The following PTPN21 variants were observed in gnomAD, a reference collection of about 807,000 sequenced individuals.
PTPN21 encodes the protein tyrosine-protein phosphatase non-receptor type 21.
A neutral mutation model predicts 131.8 loss-of-function variants in PTPN21; 77 were observed. The ratio of observed to expected loss-of-function variants is 0.58; its 90% CI spans 0.49 to 0.71. PTPN21 has a LOEUF of 0.71. Ranked by LOEUF, PTPN21 falls within the 30% of genes least tolerant of loss-of-function variation. The pLI, the probability that PTPN21 is intolerant of heterozygous loss-of-function variation, is 0.00. For synonymous variants in PTPN21, 715 were observed against 621.3 expected (o/e 1.15, Z -2.24); for missense variants, 1,552 against 1,527.1 (o/e 1.02, Z -0.27).
intron 3 of PTPN21, among the ~76,000 whole-genome samples, chr14:88,511,284 CATT>C (rs2078177325): frequency 6.6e-6 from 1 of 152,044 alleles, no homozygotes; most frequent in Non-Finnish European, 1.5e-5. Context: ...ACTTCAATGA[CATT>C]ATCACTTTCT....
At chr14:88,544,531 T>A (rs527463022) in intron 2 of PTPN21, among the ~76,000 whole-genome samples, 1 of 152,164 alleles carries the variant, frequency 6.6e-6, no homozygotes, top group Admixed American at 6.5e-5. Flanking sequence ...CACCGAATCC[T>A]CATAACCACT....
chr14:88,479,552 C>T lies in PTPN21; in HGVS notation c.1879G>A (p.Ala627Thr), dbSNP rs1278999292. 1.9e-6 allele frequency: 3 copies of T among 1,599,060 alleles called. No individual in the cohort carries two copies. The Admixed American group carries it at 5.0e-5, about 27-fold the overall frequency. The part of the protein sequence containing the change: ...LQEVSEPLTA[A>T]RHAQLHKRNS... ...CGTTTGTGCAGCTGCGCGTGGCGCG[C>T]GGCGGTGAGGGGCTCGCTGACCTCC... is the stretch of plus-strand genomic sequence containing the variant. Residue 627 changes from alanine (A) to threonine (T), a missense_variant, in exon 13 of 19, where the codon GCG (alanine) becomes ACG (threonine). Ala to Thr is a moderately conservative substitution (Grantham distance 58). Coordinates refer to ENST00000556564, the MANE Select transcript of PTPN21 (RefSeq NM_007039.4).
chr14:88,530,496 A>G (rs1338231651), intron 2 of PTPN21, among the ~76,000 whole-genome samples: 1 of 151,774 alleles, frequency 6.6e-6, no homozygotes, highest in Non-Finnish European at 1.5e-5. Context: ...AGAATGGCAG[A>G]ATGGATAAAA....
At chr14:88,533,348 T>G (rs2078580190) in intron 2 of PTPN21, among the ~76,000 whole-genome samples, 1 of 152,196 alleles carries the variant, frequency 6.6e-6, no homozygotes, top group South Asian at 2.1e-4. Flanking sequence ...CCCCTAAGAC[T>G]GTAACAGCTG....
rs373664749 is a variant in PTPN21 at position 88,542,604 on chromosome 14, GT to G, written c.180+7633del. Among the ~76,000 whole-genome samples, 339 of 152,216 alleles carry G rather than the reference GT, an allele frequency of 2.2e-3. 16 individuals carry two copies. In the South Asian group the frequency reaches 0.064, roughly 29 times the overall value. ...AATACTCTATTCTTCAAATAAACAG[GT>G]TTCCAAATTCTGCAATAACTTGTGA... On this transcript the variant is annotated intron_variant, in intron 2 of 18. Coordinates refer to ENST00000556564, the MANE Select transcript of PTPN21 (RefSeq NM_007039.4).
At chr14:88,503,053 C>CT (rs576430469) in intron 6 of PTPN21, among the ~76,000 whole-genome samples, 7,888 of 141,032 alleles carry the variant, frequency 0.056, 593 homozygotes, top group African/African-American at 0.17. Flanking sequence ...AAATCTTTTT[C>CT]TTTTTTTTTT....
intron 2 of PTPN21, among the ~76,000 whole-genome samples, chr14:88,518,363 C>CGTGTGTGT (rs763310026): frequency 2.1e-5 from 1 of 46,830 alleles, no homozygotes; most frequent in Non-Finnish European, 4.3e-5. Context: ...TATACATACA[C>CGTGTGTGT]GTGTGTGTGT....
intron 2 of PTPN21, among the ~76,000 whole-genome samples, chr14:88,537,368 A>G (rs552141757): frequency 6.6e-6 from 1 of 152,298 alleles, no homozygotes; most frequent in African/African-American, 2.4e-5. Flanking sequence ...TCTATTTACT[A>G]TCCTGGACAA....
intron 4 of PTPN21, 95 bp downstream of exon 4, chr14:88,507,828 T>G: frequency 1.5e-6 from 1 of 658,114 alleles, no homozygotes; most frequent in Non-Finnish European, 2.5e-6. Context: ...CTACTAAAGA[T>G]GTATATAGAT....
Position 88,467,174 on chromosome 14 carries a change from C to T in PTPN21, c.*963G>A, listed in dbSNP as rs1018002491. The T allele has an allele frequency of 5.9e-5, 9 of 151,472 alleles. No homozygotes were observed. The highest frequency in any genetic ancestry group is 2.0e-4 in the African/African-American group (8 of 40,904). The allele number at this position is 151,472 out of a possible 1,614,324, so 9.4% of individuals were successfully genotyped here. ...ACCTACTCTTGTCCTAGTCATCTTA[C>T]ATACTCTTAGTCCTTAATCTCTCCC... is the stretch of plus-strand genomic sequence containing the variant. On this transcript the variant is annotated 3_prime_UTR_variant, in exon 19 of 19. Coordinates refer to ENST00000556564, the MANE Select transcript of PTPN21 (RefSeq NM_007039.4).
chr14:88,477,841 A>G (rs2077571389), intron 13 of PTPN21, among the ~76,000 whole-genome samples: 1 of 152,184 alleles, frequency 6.6e-6, no homozygotes, highest in South Asian at 2.1e-4. Context: ...ACACTTCATG[A>G]CAAGGCCGCA....
intron 12 of PTPN21, among the ~76,000 whole-genome samples, chr14:88,484,636 A>G (rs1335394581): frequency 1.3e-5 from 2 of 152,204 alleles, no homozygotes; most frequent in Non-Finnish European, 2.9e-5. Context: ...GCATGTTTTT[A>G]CATACATTCA....
At position 88,480,102 on chromosome 14, in the gene PTPN21, C is replaced by A. The variant is rs1244757762; in HGVS notation, c.1329G>T (p.Pro443=). The A allele has an allele frequency of 1.2e-6, 2 of 1,613,940 alleles. No homozygotes were observed. Among genetic ancestry groups the A allele is most frequent in the Non-Finnish European group, 8.5e-7 (1 of 1,180,024 alleles). Residue 443 remains proline, a synonymous_variant, in exon 13 of 19, where the codon CCG becomes CCT. Coordinates refer to ENST00000556564, the MANE Select transcript of PTPN21 (RefSeq NM_007039.4). ...CATAGTCTGGGGTGGGGCGGTAGGA[C>A]GGGGGTATCACGGCGCTGTGCCGAT... ...PSHRHSAVIP[P]SYRPTPDYET...
intron 2 of PTPN21, among the ~76,000 whole-genome samples, chr14:88,530,350 T>C (rs572198505): frequency 6.6e-6 from 1 of 152,208 alleles, no homozygotes; most frequent in African/African-American, 2.4e-5. Context: ...TCACAGGGCC[T>C]ATAAAACAGT....
chr14:88,513,905 A>C (rs1259598005), intron 3 of PTPN21: 1 of 152,180 alleles, frequency 6.6e-6, no homozygotes, highest in Non-Finnish European at 1.5e-5. Context: ...TTAATTTTAT[A>C]ACAGTTTTAG....
intron 7 of PTPN21, 81 bp downstream of exon 7, chr14:88,501,200 G>A (rs553493324): frequency 2.4e-6 from 3 of 1,275,502 alleles, no homozygotes; most frequent in Non-Finnish European, 3.4e-6. Context: ...TTGCACATAA[G>A]GACATCCTTG....
At chr14:88,521,690 C>T (rs941303050) in intron 2 of PTPN21, among the ~76,000 whole-genome samples, 3 of 151,528 alleles carry the variant, frequency 2.0e-5, no homozygotes, top group Non-Finnish European at 4.4e-5. Flanking sequence ...AGATTACAGG[C>T]GTGAGCCACC....
In PTPN21 at chr14:88,479,042, A is replaced by T. The variant is rs756414839; in HGVS notation, c.2389T>A (p.Ser797Thr). The T allele has an allele frequency of 6.2e-7, 1 of 1,607,332 alleles. No homozygotes were observed. The highest frequency in any genetic ancestry group is 8.5e-7 in the Non-Finnish European group (1 of 1,177,610). The change falls in exon 13 of 19, where the codon TCG (serine) becomes ACG (threonine). Residue 797 changes from serine (S) to threonine (T), a missense_variant. Ser to Thr is a moderately conservative substitution (Grantham distance 58, BLOSUM62 1). Around this residue, in one of 4 missense-constraint regions of PTPN21, gnomAD observed 1,016 missense variants for 883.5 expected, o/e 1.15. Coordinates refer to ENST00000556564, the MANE Select transcript of PTPN21 (RefSeq NM_007039.4). The stretch of plus-strand genomic sequence containing the variant: ...CCTGACGTGGTGAGGTCGGACTCCG[A>T]CATGGAGGGCATCAGCAGCCCGTCT... Reference protein sequence around the residue: ...WRDGLLMPSMSESDLTTSGRY... With the variant: ...WRDGLLMPSMTESDLTTSGRY...
intron 3 of PTPN21, among the ~76,000 whole-genome samples, chr14:88,511,627 C>T (rs141336884): frequency 0.013 from 2,046 of 152,210 alleles, 39 homozygotes; most frequent in African/African-American, 0.046. Context: ...CAAGATAGCG[C>T]CACTGCACTC....
Sources: gnomAD v4.1 joint callset for allele counts (sites outside exome capture counted in the v4.1 genomes callset) on GRCh38, gnomAD v4.1.1 for gene constraint, gnomAD v4.1.1 regional missense constraint, MANE v1.5 for transcripts, NCBI Gene and HGNC (gene_info 2026-07-23, HGNC 2026-07-21) for gene names.